MYLK: variants seen among roughly 807,000 people sequenced by gnomAD.
MYLK encodes myosin light chain kinase, smooth muscle.
MYLK carries 106 observed loss-of-function variants against 203.4 expected under a neutral mutation model. The ratio of observed to expected loss-of-function variants is 0.52; its 90% CI spans 0.45 to 0.61. MYLK has a LOEUF of 0.61. MYLK is among the 20% of genes least tolerant of loss of function. The pLI, the probability that MYLK is intolerant of heterozygous loss-of-function variation, is 0.00. For synonymous variants in MYLK, 867 were observed against 959.5 expected, an observed-to-expected ratio of 0.90 and a Z score of 1.78; for missense variants, 2,072 against 2,442.3, an observed-to-expected ratio of 0.85 and a Z score of 3.20.
chr3:123,620,000 GA>G, intron 32 of MYLK, among the ~76,000 whole-genome samples: 1 of 151,554 alleles, frequency 6.6e-6, no homozygotes, highest in East Asian at 1.9e-4. Flanking sequence ...CTTTCCCTCC[GA>G]AAATGGTTAA....
At chr3:123,784,617 C>G (rs2064437073) in intron 4 of MYLK, among the ~76,000 whole-genome samples, 1 of 152,064 alleles carries the variant, frequency 6.6e-6, no homozygotes, top group Non-Finnish European at 1.5e-5. Flanking sequence ...TGTACTGTAA[C>G]TATAATGAAC....
At chr3:123,824,617 G>A (rs2109315560) in intron 3 of MYLK, among the ~76,000 whole-genome samples, 1 of 152,206 alleles carries the variant, frequency 6.6e-6, no homozygotes, top group East Asian at 1.9e-4. Flanking sequence ...TAACGTAAGA[G>A]ATGGTTACAC....
intron 4 of MYLK, among the ~76,000 whole-genome samples, chr3:123,756,665 C>T (rs955589804): frequency 1.3e-5 from 2 of 152,140 alleles, no homozygotes; most frequent in African/African-American, 4.8e-5. Context: ...CCCTCTAATC[C>T]TCCATATGAG....
In MYLK at chr3:123,726,029, G is replaced by T. The variant is rs1262457848; in HGVS notation, c.1566C>A (p.Asp522Glu). Reference sequence around the variant, plus strand: ...AATCCTGGCCCTCAATAACAGCGCAGTCCTTCAGGACACTGGAGAAGGAGG... The same window carrying T: ...AATCCTGGCCCTCAATAACAGCGCATTCCTTCAGGACACTGGAGAAGGAGG... ...VAPSFSSVLK[D>E]CAVIEGQDFV... The change falls in exon 12 of 34, where the codon GAC becomes GAA. Residue 522 changes from aspartate to glutamate, a missense_variant. Physicochemically the swap from Asp to Glu is conservative, Grantham distance 45. This residue lies in a region of MYLK where 865 missense variants were observed against 1,016.0 expected (regional missense o/e 0.85). Transcript: ENST00000360304. 1.9e-6 allele frequency: 3 copies of T among 1,614,068 alleles called. No individual in the cohort carries two copies. Among genetic ancestry groups the T allele is most frequent in the Non-Finnish European group, 2.5e-6 (3 of 1,180,026 alleles).
chr3:123,823,832 C>A (rs1450148331), intron 3 of MYLK, among the ~76,000 whole-genome samples: 2 of 152,210 alleles, frequency 1.3e-5, no homozygotes, highest in Non-Finnish European at 2.9e-5. Flanking sequence ...CCCACTCTTA[C>A]ACTCACTGGC....
At chr3:123,822,015 G>A (rs2065953917) in intron 3 of MYLK, among the ~76,000 whole-genome samples, 1 of 152,066 alleles carries the variant, frequency 6.6e-6, no homozygotes, top group Admixed American at 6.5e-5. Flanking sequence ...CATTATTGTA[G>A]GAGTGGGTTT....
At chr3:123,669,636 G>T (rs1286900445) in intron 20 of MYLK, among the ~76,000 whole-genome samples, 1 of 151,936 alleles carries the variant, frequency 6.6e-6, no homozygotes, top group African/African-American at 2.4e-5. Context: ...CTTTCAAACT[G>T]TTCATGGTAT....
chr3:123,877,773 G>A (rs1013343441), intron 1 of MYLK, among the ~76,000 whole-genome samples: 1 of 152,176 alleles, frequency 6.6e-6, no homozygotes, highest in East Asian at 1.9e-4. Flanking sequence ...AAGTGATTAC[G>A]AAAATGATCA....
chr3:123,743,897 T>G (rs1029590815), intron 5 of MYLK, among the ~76,000 whole-genome samples: 3 of 152,084 alleles, frequency 2.0e-5, no homozygotes, highest in Non-Finnish European at 4.4e-5. Flanking sequence ...AAACAGAGAC[T>G]CTCAACACTG....
intron 31 of MYLK, among the ~76,000 whole-genome samples, chr3:123,626,355 A>G (rs909112698): frequency 1.3e-5 from 2 of 152,230 alleles, no homozygotes; most frequent in African/African-American, 2.4e-5. Context: ...CTAAGGACAC[A>G]TGGCTATTAA....
chr3:123,722,730 G>A (rs912837094), intron 12 of MYLK, among the ~76,000 whole-genome samples: 1 of 152,164 alleles, frequency 6.6e-6, no homozygotes, highest in Admixed American at 6.5e-5. Context: ...GGCTGAACAT[G>A]GGGTGCCCAG....
intron 13 of MYLK, among the ~76,000 whole-genome samples, chr3:123,715,315 G>C (rs369669262): frequency 6.6e-6 from 1 of 152,194 alleles, no homozygotes; most frequent in South Asian, 2.1e-4. Context: ...TGCTGCTGCT[G>C]ATCACCTGGA....
At chr3:123,727,445 T>A (rs763167077) in intron 11 of MYLK, among the ~76,000 whole-genome samples, 1 of 152,242 alleles carries the variant, frequency 6.6e-6, no homozygotes, top group African/African-American at 2.4e-5. Flanking sequence ...GCATGTGAAC[T>A]TGGACAAGTC....
intron 2 of MYLK, among the ~76,000 whole-genome samples, chr3:123,852,938 G>A (rs1323185492): frequency 6.6e-6 from 1 of 152,086 alleles, no homozygotes. Flanking sequence ...GACAACCTTT[G>A]AGTAAAATAT....
chr3:123,655,903 TAAC>T (rs1453272347), intron 24 of MYLK, among the ~76,000 whole-genome samples: 1 of 152,238 alleles, frequency 6.6e-6, no homozygotes, highest in Non-Finnish European at 1.5e-5. Context: ...TGGTGAATTA[TAAC>T]AATAAACCTC....
Position 123,722,189 on chromosome 3 carries a change from G to T in MYLK, c.1743C>A (p.Tyr581Ter). Residue 581 changes from tyrosine (Y) to a stop codon, truncating the protein, a stop_gained, in exon 13 of 34, where the codon TAC (tyrosine) becomes TAA (stop). Coordinates refer to ENST00000360304, the MANE Select transcript of MYLK (RefSeq NM_053025.4). LOFTEE classifies it high-confidence loss of function. ...QDALPEDHGTYTCLAENALGQ... is the reference protein window; with the variant it reads ...QDALPEDHGT ...CCAAGGCATTCTCAGCTAGGCAGGTGTAGGTGCCATGGTCCTCCGGCAGGG... is the reference window on the plus strand; with the variant it reads ...CCAAGGCATTCTCAGCTAGGCAGGTTTAGGTGCCATGGTCCTCCGGCAGGG... 6.4e-7 allele frequency: 1 copy of T among 1,562,782 alleles called. No individual in the cohort carries two copies. Among genetic ancestry groups the T allele is most frequent in the South Asian group, 1.2e-5 (1 of 84,668 alleles).
chr3:123,822,050 T>A (rs2065955843), intron 3 of MYLK, among the ~76,000 whole-genome samples: 1 of 152,144 alleles, frequency 6.6e-6, no homozygotes, highest in East Asian at 1.9e-4. Flanking sequence ...AGTCCAACCC[T>A]CCTCTTGCTC....
intron 2 of MYLK, among the ~76,000 whole-genome samples, chr3:123,832,780 A>C (rs1320829818): frequency 2.0e-5 from 3 of 152,112 alleles, no homozygotes; most frequent in African/African-American, 7.2e-5. Flanking sequence ...TGGTGTCTTG[A>C]TCTTGGACTT....
intron 23 of MYLK, among the ~76,000 whole-genome samples, chr3:123,659,386 A>G (rs2059493168): frequency 6.6e-6 from 1 of 152,208 alleles, no homozygotes; most frequent in Non-Finnish European, 1.5e-5. Context: ...CCTGTTACAC[A>G]TGTCTCTTGG....
Sources: allele counts gnomAD v4.1 joint callset (sites outside exome capture counted in the v4.1 genomes callset), GRCh38; gene constraint gnomAD v4.1.1; regional missense constraint gnomAD v4.1.1; transcripts MANE v1.5; gene names NCBI Gene and HGNC (gene_info 2026-07-23, HGNC 2026-07-21).